PLXNA4: variants seen among roughly 807,000 people sequenced by gnomAD.
The protein encoded by PLXNA4 is plexin A4.
PLXNA4 carries 44 observed loss-of-function variants against 191.8 expected under a neutral mutation model. The ratio of observed to expected loss-of-function variants is 0.23; its 90% CI spans 0.18 to 0.29. The LOEUF is 0.29. PLXNA4 is among the 10% of genes least tolerant of loss of function. The probability of loss-of-function intolerance (pLI) is 1.00; values close to 1 mark genes in which losing one functional copy is unlikely to be tolerated. For missense variants in PLXNA4, 1,800 were observed against 2,488.8 expected (o/e 0.72, Z 5.89); for synonymous variants, 1,082 against 1,009.5 (o/e 1.07, Z -1.36).
At chr7:132,463,038 C>T (rs113385707) in intron 3 of PLXNA4, among the ~76,000 whole-genome samples, 70 of 152,006 alleles carry the variant, frequency 4.6e-4, no homozygotes, top group Non-Finnish European at 7.2e-4. Context: ...TTAGTAGAAA[C>T]GGGGTTTCAC....
At chr7:132,551,643 G>T (rs1800565975) in intron 1 of PLXNA4, among the ~76,000 whole-genome samples, 1 of 152,042 alleles carries the variant, frequency 6.6e-6, no homozygotes, top group South Asian at 2.1e-4. Context: ...TTGCCCTCTA[G>T]TTTCCCCACC....
chr7:132,177,215 G>A (rs1254217371), intron 20 of PLXNA4, among the ~76,000 whole-genome samples: 1 of 152,246 alleles, frequency 6.6e-6, no homozygotes, highest in East Asian at 1.9e-4. Flanking sequence ...GTGAGTGTAT[G>A]TGTGAGTCCA....
intron 3 of PLXNA4, among the ~76,000 whole-genome samples, chr7:132,401,228 C>T (rs879818106): frequency 1.6e-4 from 25 of 152,206 alleles, no homozygotes; most frequent in Admixed American, 6.5e-4. Context: ...AATGATGCCA[C>T]GTGGAGGGGA....
intron 1 of PLXNA4, among the ~76,000 whole-genome samples, chr7:132,565,901 C>T (rs11982187): frequency 0.022 from 3,308 of 152,240 alleles, 108 homozygotes; most frequent in African/African-American, 0.075. Context: ...AAGTCAAGAG[C>T]GACAGAGCTC....
chr7:132,388,778 G>A (rs998647335), intron 3 of PLXNA4, among the ~76,000 whole-genome samples: 2 of 152,206 alleles, frequency 1.3e-5, no homozygotes, highest in South Asian at 4.1e-4. Context: ...TTCAGGGTGG[G>A]ATGAGCTCAA....
At chr7:132,329,753 G>A (rs780867688) in intron 3 of PLXNA4, among the ~76,000 whole-genome samples, 2 of 152,216 alleles carry the variant, frequency 1.3e-5, no homozygotes, top group Non-Finnish European at 2.9e-5. Context: ...GAAATCTGGT[G>A]ATACTGATGA....
intron 1 of PLXNA4, among the ~76,000 whole-genome samples, chr7:132,516,310 T>G (rs1798938297): frequency 6.6e-6 from 1 of 152,124 alleles, no homozygotes; most frequent in African/African-American, 2.4e-5. Flanking sequence ...GGACATGAGT[T>G]CAAATGCATC....
intron 25 of PLXNA4, among the ~76,000 whole-genome samples, chr7:132,154,989 CTG>C (rs1795750825): frequency 6.6e-6 from 1 of 152,184 alleles, no homozygotes; most frequent in Non-Finnish European, 1.5e-5. Flanking sequence ...AAAATGCAAA[CTG>C]GGGAGACAGC....
At chr7:132,144,984 C>A (rs943460558) in intron 29 of PLXNA4, 135 bp downstream of exon 29, 2 of 1,287,848 alleles carry the variant, frequency 1.6e-6, no homozygotes, top group African/African-American at 1.5e-5. Context: ...AGAGAATGTG[C>A]CTGCTCAGAG....
At position 132,126,641 on chromosome 7, in the gene PLXNA4, C is replaced by T. The variant is rs1403443136; in HGVS notation, c.*3838G>A. ...CTTTTCCTGTGGGTAACTCCTGCTT[C>T]TTCCTGGGAACAGTCCTGGACAGTC... On this transcript the variant is annotated 3_prime_UTR_variant, in exon 32 of 32. Transcript: ENST00000321063. 6.6e-6 allele frequency: 1 copy of T among 151,520 alleles called. No homozygotes were observed. Among genetic ancestry groups the T allele is most frequent in the Non-Finnish European group, 1.5e-5 (1 of 67,586 alleles). 9.4% of individuals were successfully genotyped at this position (151,520 alleles called of 1,614,324 possible).
chr7:132,387,948 C>T (rs567563473), intron 3 of PLXNA4, among the ~76,000 whole-genome samples: 18 of 152,126 alleles, frequency 1.2e-4, no homozygotes, highest in East Asian at 1.9e-4. Context: ...GGAAGCTCCC[C>T]GGGGTCTCTT....
intron 4 of PLXNA4, among the ~76,000 whole-genome samples, chr7:132,250,178 A>C (rs1003735490): frequency 2.0e-5 from 3 of 152,124 alleles, no homozygotes; most frequent in Admixed American, 2.0e-4. Context: ...TTGAAGAATA[A>C]TTGGGATGAC....
intron 4 of PLXNA4, among the ~76,000 whole-genome samples, chr7:132,285,225 A>C (rs571221323): frequency 2.0e-5 from 3 of 152,226 alleles, no homozygotes; most frequent in Non-Finnish European, 2.9e-5. Flanking sequence ...AAGAAACGGA[A>C]ATACGCAGAG....
intron 3 of PLXNA4, among the ~76,000 whole-genome samples, chr7:132,299,715 G>A (rs1252399303): frequency 6.6e-6 from 1 of 152,090 alleles, no homozygotes; most frequent in Non-Finnish European, 1.5e-5. Context: ...CACCTTTTGG[G>A]TGGGATTGAA....
intron 2 of PLXNA4, among the ~76,000 whole-genome samples, chr7:132,586,339 G>T (rs946070027): frequency 1.3e-5 from 2 of 152,186 alleles, no homozygotes; most frequent in African/African-American, 4.8e-5. Flanking sequence ...TAAAGAAAAA[G>T]AAACTTTTGC....
chr7:132,602,446 G>A (rs1478785922), intron 2 of PLXNA4, among the ~76,000 whole-genome samples: 5 of 152,074 alleles, frequency 3.3e-5, no homozygotes, highest in Admixed American at 6.5e-5. Context: ...TTATGGCCCC[G>A]TGGTCTCCTT....
chr7:132,472,802 G>A (rs901474755), intron 3 of PLXNA4, among the ~76,000 whole-genome samples: 2 of 152,184 alleles, frequency 1.3e-5, no homozygotes, highest in Non-Finnish European at 2.9e-5. Context: ...CAAGGAGCAG[G>A]TACAGGTGAT....
intron 4 of PLXNA4, among the ~76,000 whole-genome samples, chr7:132,288,839 T>C (rs767857757): frequency 1.6e-4 from 24 of 152,114 alleles, no homozygotes; most frequent in Non-Finnish European, 3.1e-4. Flanking sequence ...AACAGCCTCT[T>C]CTATCAAATC....
At chr7:132,566,544 C>G (rs1195421811) in intron 1 of PLXNA4, among the ~76,000 whole-genome samples, 19 of 152,068 alleles carry the variant, frequency 1.2e-4, no homozygotes. Context: ...ACTCAAGCTT[C>G]CTTTGTTAAT....
Sources: allele counts gnomAD v4.1 joint callset (sites outside exome capture counted in the v4.1 genomes callset), GRCh38; gene constraint gnomAD v4.1.1; transcripts MANE v1.5; gene names NCBI Gene and HGNC (gene_info 2026-07-23, HGNC 2026-07-21).